The following KCNMA1 variants were observed in gnomAD, a reference collection of about 807,000 sequenced individuals.
KCNMA1 encodes potassium calcium-activated channel subfamily M alpha 1, also known as Calcium-activated potassium channel subunit alpha-1.
In KCNMA1, 29 loss-of-function variants were observed where a neutral mutation model predicts 140.0. That is an observed-to-expected ratio of 0.21 (90% confidence interval 0.15 to 0.28). KCNMA1 has a LOEUF of 0.28. Ranked by LOEUF, KCNMA1 falls within the 10% of genes least tolerant of loss-of-function variation. The pLI, the probability that KCNMA1 is intolerant of heterozygous loss-of-function variation, is 1.00. For synonymous variants in KCNMA1, 612 were observed against 611.9 expected (o/e 1.00, Z 0.00); for missense variants, 880 against 1,602.2 (o/e 0.55, Z 7.70).
intron 23 of KCNMA1, among the ~76,000 whole-genome samples, chr10:76,925,150 TA>T (rs1420841630): frequency 6.6e-6 from 1 of 152,248 alleles, no homozygotes; most frequent in Non-Finnish European, 1.5e-5. Context: ...TATTACTAAA[TA>T]TATACAAATT....
At chr10:77,602,342 G>T (rs2082920037) in intron 1 of KCNMA1, among the ~76,000 whole-genome samples, 1 of 152,190 alleles carries the variant, frequency 6.6e-6, no homozygotes, top group African/African-American at 2.4e-5. Flanking sequence ...AGATGGAATG[G>T]CCACAAGGGG....
chr10:77,378,227 T>C (rs2095246950), intron 2 of KCNMA1, among the ~76,000 whole-genome samples: 1 of 152,158 alleles, frequency 6.6e-6, no homozygotes, highest in South Asian at 2.1e-4. Flanking sequence ...CTGGGTGGAA[T>C]GGTTTCATGG....
chr10:77,063,638 C>T, intron 14 of KCNMA1: 1 of 727,386 alleles, frequency 1.4e-6, no homozygotes, highest in African/African-American at 1.9e-5. Flanking sequence ...CAGATTCACA[C>T]TTAAAATCAC....
intron 3 of KCNMA1, among the ~76,000 whole-genome samples, chr10:77,230,443 C>T (rs7922568): frequency 0.13 from 20,368 of 152,156 alleles, 2,701 homozygotes; most frequent in African/African-American, 0.33. Context: ...TACTTTTATG[C>T]TCTGTGAATT....
intron 2 of KCNMA1, among the ~76,000 whole-genome samples, chr10:77,371,544 T>G (rs1301993440): frequency 6.6e-6 from 1 of 152,214 alleles, no homozygotes; most frequent in Admixed American, 6.5e-5. Context: ...TGACTTCTTT[T>G]GACAAATTAC....
chr10:77,327,465 T>C (rs2084643614), intron 2 of KCNMA1, among the ~76,000 whole-genome samples: 1 of 152,066 alleles, frequency 6.6e-6, no homozygotes, highest in African/African-American at 2.4e-5. Context: ...GCGATTCTCC[T>C]ACCTCAGCCT....
Position 77,108,363 on chromosome 10 carries a change from G to T in KCNMA1, c.1223+118C>A. 1 of 1,594,858 alleles carries T rather than the reference G, an allele frequency of 6.3e-7. No homozygotes were observed. Among genetic ancestry groups the T allele is most frequent in the Non-Finnish European group, 8.5e-7 (1 of 1,176,418 alleles). On this transcript the variant is annotated intron_variant, in intron 9 of 27. Transcript: ENST00000286628. The surrounding 1 kb of genome is among the most constrained non-coding windows in gnomAD (Gnocchi z 4.6). Reference sequence around the variant, plus strand: ...TGAGAGCAGCAATTTCGGGCACGTAGCGGGCAAACATTGCCTACATGCATG... The same window carrying T: ...TGAGAGCAGCAATTTCGGGCACGTATCGGGCAAACATTGCCTACATGCATG...
intron 23 of KCNMA1, among the ~76,000 whole-genome samples, chr10:76,936,460 C>A (rs539648460): frequency 6.6e-6 from 1 of 152,136 alleles, no homozygotes; most frequent in South Asian, 2.1e-4. Context: ...GGGACGGAAG[C>A]CAACAGCAGT....
At position 77,049,844 on chromosome 10, in the gene KCNMA1, C is replaced by T. The variant is rs181212868; in HGVS notation, c.1750-10207G>A. Among the ~76,000 whole-genome samples, 15 of 152,216 alleles carry T rather than the reference C, an allele frequency of 9.9e-5. No homozygotes were observed. The East Asian group carries it at 2.1e-3, about 22-fold the overall frequency. On this transcript the variant is annotated intron_variant, in intron 14 of 27. Transcript: ENST00000286628. ...TATAACTGGGTCATTTTTACACTTCCCAAAAAACTTCTTACTATGAGCAAT... is the reference window on the plus strand; with the variant it reads ...TATAACTGGGTCATTTTTACACTTCTCAAAAAACTTCTTACTATGAGCAAT...
At chr10:77,095,320 T>C (rs1446655654) in intron 9 of KCNMA1, among the ~76,000 whole-genome samples, 2 of 152,204 alleles carry the variant, frequency 1.3e-5, no homozygotes, top group South Asian at 2.1e-4. Flanking sequence ...AAACAAATAT[T>C]TCTTGGGCAA....
At chr10:77,286,204 T>C (rs531350801) in intron 2 of KCNMA1, among the ~76,000 whole-genome samples, 1 of 152,272 alleles carries the variant, frequency 6.6e-6, no homozygotes, top group African/African-American at 2.4e-5. Context: ...CCCATCTCAC[T>C]TGCTATAACT....
chr10:77,479,037 T>C (rs941223326), intron 1 of KCNMA1, among the ~76,000 whole-genome samples: 3 of 152,210 alleles, frequency 2.0e-5, no homozygotes, highest in African/African-American at 7.2e-5. Flanking sequence ...AAACGAATCA[T>C]GAACAGTAGT....
At chr10:76,891,894 T>C (rs1017289771) in intron 25 of KCNMA1, among the ~76,000 whole-genome samples, 175 bp from the exon 26 acceptor site, 2 of 152,206 alleles carry the variant, frequency 1.3e-5, no homozygotes, top group African/African-American at 4.8e-5. Flanking sequence ...TATTCCGTTA[T>C]TTTCTCTCTT....
rs995408666 is a variant in KCNMA1 at position 77,315,279 on chromosome 10, A to G, written c.541-64023T>C. Among the ~76,000 whole-genome samples the G allele has an allele frequency of 2.6e-5, 4 of 152,354 alleles. No homozygotes were observed. The East Asian group carries it at 5.8e-4, about 22-fold the overall frequency. ...TGCAGCCAGGCTGTTTTGGGGACTC[A>G]CAAAGGAATGGTCACAGTTTCCTGC... On this transcript the variant is annotated intron_variant, in intron 2 of 27. Transcript: ENST00000286628.
At chr10:77,162,206 G>C (rs186353463) in intron 5 of KCNMA1, among the ~76,000 whole-genome samples, 8 of 152,194 alleles carry the variant, frequency 5.3e-5, no homozygotes, top group Admixed American at 2.0e-4. Context: ...TGCAGCTAAG[G>C]GAATTATGCC....
intron 3 of KCNMA1, among the ~76,000 whole-genome samples, chr10:77,233,396 CA>C (rs1565386584): frequency 1.3e-5 from 2 of 152,038 alleles, no homozygotes; most frequent in Admixed American, 1.3e-4. Flanking sequence ...TGATTTGGAC[CA>C]AAAAAATTAC....
chr10:77,390,378 G>C (rs2095772371), intron 2 of KCNMA1, among the ~76,000 whole-genome samples: 1 of 152,228 alleles, frequency 6.6e-6, no homozygotes, highest in South Asian at 2.1e-4. Flanking sequence ...ACACAGCATA[G>C]ACCAAGGTGA....
At chr10:77,364,521 C>T (rs2094211903) in intron 2 of KCNMA1, among the ~76,000 whole-genome samples, 1 of 152,086 alleles carries the variant, frequency 6.6e-6, no homozygotes, top group Admixed American at 6.5e-5. Flanking sequence ...TGACTGGAGG[C>T]TTACATTAAC....
At chr10:77,283,381 C>G (rs2069419399) in intron 2 of KCNMA1, among the ~76,000 whole-genome samples, 1 of 152,308 alleles carries the variant, frequency 6.6e-6, no homozygotes, top group East Asian at 1.9e-4. Context: ...TCAGTCAGCC[C>G]ATTGCAGCTG....
Sources: gnomAD v4.1 joint callset for allele counts (sites outside exome capture counted in the v4.1 genomes callset) on GRCh38, gnomAD v4.1.1 for gene constraint, Gnocchi (gnomAD v3.1) non-coding constraint, MANE v1.5 for transcripts, NCBI Gene and HGNC (gene_info 2026-07-23, HGNC 2026-07-21) for gene names.